Variants in SYNE3 observed in about 807,000 individuals in gnomAD.
SYNE3 encodes nesprin-3.
In SYNE3, 100 loss-of-function variants were observed where a neutral mutation model predicts 111.2. The observed-to-expected ratio is 0.90, with a 90% CI of 0.77 to 1.06. The LOEUF is 1.06. Ranked by LOEUF, SYNE3 falls within the 50% of genes least tolerant of loss-of-function variation. SYNE3 has a pLI of 0.00. For missense variants in SYNE3, 1,160 were observed against 1,240.3 expected, an observed-to-expected ratio of 0.94 and a Z score of 0.97; for synonymous variants, 547 against 533.9, an observed-to-expected ratio of 1.02 and a Z score of -0.34.
At chr14:95,472,032 A>C (rs1888561489) in intron 2 of SYNE3, among the ~76,000 whole-genome samples, 1 of 152,192 alleles carries the variant, frequency 6.6e-6, no homozygotes, top group South Asian at 2.1e-4. Flanking sequence ...CGACTGCAAA[A>C]AGGGCCAGGA....
In SYNE3 at chr14:95,500,278, C is replaced by A. The variant is rs1481295915; in HGVS notation, c.-15+16318G>T. ...AGGCTGTACAGGTTATAATTAGTAC[C>A]TGCTTGTTCCTGCCAGAACTTTGAG... On this transcript the variant is annotated intron_variant, in intron 1 of 17. Transcript: ENST00000682763. The surrounding 1 kb of genome is among the most constrained non-coding windows in gnomAD (Gnocchi z 4.7). Among the ~76,000 whole-genome samples, 2 of 152,198 alleles carry A rather than the reference C, an allele frequency of 1.3e-5. No homozygotes were observed. The highest frequency in any genetic ancestry group is 3.9e-4 in the East Asian group (2 of 5,194).
chr14:95,511,971 A>G (rs1226754682), intron 1 of SYNE3, among the ~76,000 whole-genome samples: 1 of 152,222 alleles, frequency 6.6e-6, no homozygotes, highest in Non-Finnish European at 1.5e-5. Context: ...AGATTGGTCC[A>G]GGTGACCTGA....
intron 17 of SYNE3, among the ~76,000 whole-genome samples, chr14:95,429,618 G>T (rs1200987608): frequency 6.6e-6 from 1 of 152,168 alleles, no homozygotes; most frequent in African/African-American, 2.4e-5. Context: ...AGATCCGTTA[G>T]CTCAAAAGGC....
At chr14:95,453,524 A>T (rs1362616291) in intron 6 of SYNE3, among the ~76,000 whole-genome samples, 1 of 152,376 alleles carries the variant, frequency 6.6e-6, no homozygotes, top group Admixed American at 6.5e-5. Context: ...AGCCCTGTTC[A>T]TTCTCAAAAA....
rs1036400375 is a variant in SYNE3 at position 95,470,016 on chromosome 14, G to A, written c.145-2049C>T. On this transcript the variant is annotated intron_variant, in intron 2 of 17. Coordinates refer to ENST00000682763, the MANE Select transcript of SYNE3 (RefSeq NM_152592.6). This position sits in a 1 kb window ranked among gnomAD's most constrained non-coding sequence, Gnocchi z 4.2. ...CATGTGAGTGGGAGGTGCTCAGGGA[G>A]AGTGAAGAATGGGGAGATTCCTCAA... is the stretch of plus-strand genomic sequence containing the variant. Among the ~76,000 whole-genome samples, 4 of 152,224 alleles carry A rather than the reference G, an allele frequency of 2.6e-5. No homozygotes were observed. Among genetic ancestry groups the A allele is most frequent in the African/African-American group, 4.8e-5 (2 of 41,456 alleles).
chr14:95,482,740 C>G (rs1889334976), intron 1 of SYNE3, among the ~76,000 whole-genome samples: 1 of 152,128 alleles, frequency 6.6e-6, no homozygotes, highest in African/African-American at 2.4e-5. Context: ...CCGACATTTA[C>G]CCGGTGTTCT....
At chr14:95,513,970 A>G (rs1378550435) in intron 1 of SYNE3, among the ~76,000 whole-genome samples, 1 of 151,862 alleles carries the variant, frequency 6.6e-6, no homozygotes, top group Non-Finnish European at 1.5e-5. Flanking sequence ...CAGCCGCTGG[A>G]TATCAGCCTT....
At chr14:95,454,003 C>T (rs1887254104) in intron 6 of SYNE3, among the ~76,000 whole-genome samples, 1 of 152,222 alleles carries the variant, frequency 6.6e-6, no homozygotes. Flanking sequence ...GAGGGTGGAC[C>T]CTGCCAGGTA....
chr14:95,449,407 G>A, intron 8 of SYNE3: 1 of 982,602 alleles, frequency 1.0e-6, no homozygotes, highest in Non-Finnish European at 1.2e-6. Flanking sequence ...CTGTGCATCC[G>A]CGGCTCCATC....
chr14:95,459,492 T>C lies in SYNE3; in HGVS notation c.628-2154A>G, dbSNP rs1383416027. Among the ~76,000 whole-genome samples, 5 of 152,094 alleles carry C rather than the reference T, an allele frequency of 3.3e-5. No homozygotes were observed. The East Asian group carries it at 9.7e-4, about 29-fold the overall frequency. On this transcript the variant is annotated intron_variant, in intron 4 of 17. Coordinates refer to ENST00000682763, the MANE Select transcript of SYNE3 (RefSeq NM_152592.6). ...AGGCTGAAGCTAGGAATGGGCTGGA[T>C]GTGGTGTCTGAACCATAGCTGGCTG...
intron 1 of SYNE3, among the ~76,000 whole-genome samples, chr14:95,488,012 C>T (rs951859051): frequency 2.0e-5 from 3 of 152,048 alleles, no homozygotes; most frequent in African/African-American, 7.3e-5. Context: ...ACAGTAAATA[C>T]ATTTTCTCTT....
intron 1 of SYNE3, among the ~76,000 whole-genome samples, chr14:95,487,268 T>G (rs1889596418): frequency 6.6e-6 from 1 of 152,230 alleles, no homozygotes; most frequent in Non-Finnish European, 1.5e-5. Flanking sequence ...GCATTTGACA[T>G]GATTTTCTTA....
chr14:95,445,849 A>C, intron 9 of SYNE3, 60 bp downstream of exon 9: 1 of 1,575,966 alleles, frequency 6.3e-7, no homozygotes, highest in Non-Finnish European at 8.7e-7. Flanking sequence ...CTGCCTCCCC[A>C]GTGGGTGCTC....
intron 1 of SYNE3, among the ~76,000 whole-genome samples, chr14:95,504,576 A>C (rs1890458757): frequency 6.6e-6 from 1 of 152,234 alleles, no homozygotes; most frequent in Admixed American, 6.5e-5. Context: ...ACACTGTCAC[A>C]GTTGTTCTGC....
rs10547044 is a variant in SYNE3 at position 95,499,856 on chromosome 14, C to CTTTTTTTTTTTTTTTTTTTT, written c.-15+16720_-15+16739dup. Reference sequence around the variant, plus strand: ...AATCCCCTGTATCACTAACTCTTGTCTTTTTTTTTTTTTTTTTTTTGAGAT... The same window carrying CTTTTTTTTTTTTTTTTTTTT: ...AATCCCCTGTATCACTAACTCTTGTCTTTTTTTTTTTTTTTTTTTTTTTTTTTTTTTTTTTTTTTTGAGAT... On this transcript the variant is annotated intron_variant, in intron 1 of 17. Coordinates refer to ENST00000682763, the MANE Select transcript of SYNE3 (RefSeq NM_152592.6). 5.1e-4 allele frequency among the ~76,000 whole-genome samples: 46 copies of CTTTTTTTTTTTTTTTTTTTT among 90,068 alleles called. 9 individuals carry two copies. The highest frequency in any genetic ancestry group is 1.9e-3 in the African/African-American group (40 of 21,276). 59.1% of individuals were successfully genotyped at this position (90,068 alleles called of 152,430 possible).
Position 95,417,426 on chromosome 14 carries a change from T to C in SYNE3, c.*400A>G, listed in dbSNP as rs1190375681. On this transcript the variant is annotated 3_prime_UTR_variant, in exon 18 of 18. Transcript: ENST00000682763. Reference sequence around the variant, plus strand: ...ATTCGCTTTGGAGAAGAGGTTGCCATGAAAGTGACATGTTATTGTTCTTGC... The same window carrying C: ...ATTCGCTTTGGAGAAGAGGTTGCCACGAAAGTGACATGTTATTGTTCTTGC... 4 of 251,542 alleles carry C rather than the reference T, an allele frequency of 1.6e-5. No individual in the cohort carries two copies. The highest frequency in any genetic ancestry group is 8.8e-5 in the African/African-American group (4 of 45,636). The allele number at this position is 251,542 out of a possible 1,614,324, so 15.6% of individuals were successfully genotyped here. A position where few individuals can be genotyped will look rare whatever the true frequency, so the allele number is the denominator to read the frequency against.
chr14:95,503,400 G>A (rs1046056501), intron 1 of SYNE3, among the ~76,000 whole-genome samples: 1 of 152,148 alleles, frequency 6.6e-6, no homozygotes, highest in Non-Finnish European at 1.5e-5. Context: ...CACTGATGCC[G>A]TAGGTCCTAC....
intron 17 of SYNE3, among the ~76,000 whole-genome samples, chr14:95,424,599 C>T (rs908013367): frequency 6.6e-5 from 10 of 152,180 alleles, no homozygotes; most frequent in South Asian, 2.1e-4. Context: ...AGCCCATGTG[C>T]GACATGCTGA....
At chr14:95,443,062 T>G in intron 11 of SYNE3, 93 bp downstream of exon 11, 2 of 1,483,938 alleles carry the variant, frequency 1.3e-6, no homozygotes, top group Non-Finnish European at 1.8e-6. Context: ...TTAGAAGGAA[T>G]GAAGGCAGGA....
Sources: gnomAD v4.1 joint callset for allele counts (sites outside exome capture counted in the v4.1 genomes callset) on GRCh38, gnomAD v4.1.1 for gene constraint, Gnocchi (gnomAD v3.1) non-coding constraint, MANE v1.5 for transcripts, NCBI Gene and HGNC (gene_info 2026-07-23, HGNC 2026-07-21) for gene names.